ZFP91: variants seen among roughly 807,000 people sequenced by gnomAD.
The protein encoded by ZFP91 is E3 ubiquitin-protein ligase ZFP91.
In ZFP91, 7 loss-of-function variants were observed where a neutral mutation model predicts 63.5. The observed-to-expected ratio is 0.11, with a 90% CI of 0.06 to 0.21. ZFP91 has a LOEUF of 0.21. Ranked by LOEUF, ZFP91 falls within the 10% of genes least tolerant of loss-of-function variation. ZFP91 has a pLI of 1.00. For missense variants in ZFP91, 628 were observed against 736.6 expected (o/e 0.85, Z 1.71); for synonymous variants, 330 against 272.1 (o/e 1.21, Z -2.10).
chr11:58,604,330 A>C (rs1195004270), intron 2 of ZFP91, among the ~76,000 whole-genome samples: 1 of 152,192 alleles, frequency 6.6e-6, no homozygotes. Flanking sequence ...ATGGAGATAG[A>C]ATTGAAGTTA....
chr11:58,587,368 T>A (rs953184869), intron 2 of ZFP91, among the ~76,000 whole-genome samples: 8 of 152,164 alleles, frequency 5.3e-5, no homozygotes, highest in African/African-American at 1.9e-4. Context: ...TTTGATGAAG[T>A]TGGAGCTGAG....
intron 6 of ZFP91, 108 bp downstream of exon 6, chr11:58,611,846 T>C: frequency 2.9e-6 from 4 of 1,356,384 alleles, no homozygotes; most frequent in Non-Finnish European, 3.9e-6. Flanking sequence ...CTTCAAAATA[T>C]GTATTTTTTA....
chr11:58,604,800 A>G (rs1037696688), intron 2 of ZFP91, among the ~76,000 whole-genome samples: 1 of 152,182 alleles, frequency 6.6e-6, no homozygotes, highest in Non-Finnish European at 1.5e-5. Context: ...AAGACATGTC[A>G]TCTCCTTCCA....
At chr11:58,586,036 C>G (rs1482793488) in intron 2 of ZFP91, among the ~76,000 whole-genome samples, 4 of 149,952 alleles carry the variant, frequency 2.7e-5, no homozygotes, top group Non-Finnish European at 4.4e-5. Context: ...ATTATTTTGT[C>G]TAGCAAGTTT....
At chr11:58,600,774 A>T (rs1473461272) in intron 2 of ZFP91, among the ~76,000 whole-genome samples, 2 of 152,104 alleles carry the variant, frequency 1.3e-5, no homozygotes, top group East Asian at 3.9e-4. Context: ...ACTGCGTATG[A>T]TGTGAGCTCT....
At chr11:58,611,467 T>A in intron 5 of ZFP91, 137 bp from the exon 6 acceptor site, 1 of 1,140,998 alleles carries the variant, frequency 8.8e-7, no homozygotes, top group South Asian at 1.7e-5. Flanking sequence ...TGAGGATGAT[T>A]GGTAGGAAAT....
chr11:58,582,599 A>G (rs1440395972), intron 1 of ZFP91, among the ~76,000 whole-genome samples: 1 of 152,340 alleles, frequency 6.6e-6, no homozygotes, highest in East Asian at 1.9e-4. Context: ...ATTGGAAGGC[A>G]AAATAATAGA....
At chr11:58,616,903 A>C (rs1250212209) in intron 10 of ZFP91, 88 bp downstream of exon 10, 3 of 1,204,286 alleles carry the variant, frequency 2.5e-6, no homozygotes. Context: ...ATTAGTTGCC[A>C]CTGCTGTTTA....
chr11:58,608,258 C>T (rs1021578676), intron 2 of ZFP91, among the ~76,000 whole-genome samples: 1 of 151,674 alleles, frequency 6.6e-6, no homozygotes, highest in Non-Finnish European at 1.5e-5. Context: ...AAACCAATCC[C>T]TCTTTGAATG....
intron 10 of ZFP91, 98 bp downstream of exon 10, chr11:58,616,913 A>G: frequency 8.8e-7 from 1 of 1,142,400 alleles, no homozygotes; most frequent in Non-Finnish European, 1.3e-6. Context: ...ACTGCTGTTT[A>G]CTTTCATCAA....
chr11:58,587,584 A>G (rs1403056778), intron 2 of ZFP91, among the ~76,000 whole-genome samples: 1 of 152,184 alleles, frequency 6.6e-6, no homozygotes, highest in Non-Finnish European at 1.5e-5. Context: ...GAGTGTTAGT[A>G]GAAATCTTAA....
At chr11:58,591,248 C>T (rs2507758) in intron 2 of ZFP91, among the ~76,000 whole-genome samples, 1 of 151,916 alleles carries the variant, frequency 6.6e-6, no homozygotes, top group Non-Finnish European at 1.5e-5. Flanking sequence ...TTTTGTGTCT[C>T]GCTTATTTTG....
intron 5 of ZFP91, chr11:58,611,369 G>C (rs1457419958): frequency 9.3e-6 from 5 of 535,734 alleles, no homozygotes; most frequent in Non-Finnish European, 1.6e-5. Context: ...TACAATTATA[G>C]TGAAATTTGA....
At chr11:58,605,169 T>C (rs1855551248) in intron 2 of ZFP91, among the ~76,000 whole-genome samples, 2 of 152,246 alleles carry the variant, frequency 1.3e-5, no homozygotes. Flanking sequence ...CCAGTTTAGC[T>C]TCAGTAGTAA....
At position 58,619,771 on chromosome 11, in the gene ZFP91, C is replaced by A. The variant is rs900536559; in HGVS notation, c.*2065C>A. 11 of 152,580 alleles carry A rather than the reference C, an allele frequency of 7.2e-5. No homozygotes were observed. The highest frequency in any genetic ancestry group is 2.4e-4 in the African/African-American group (10 of 41,436). 9.5% of individuals were successfully genotyped at this position (152,580 alleles called of 1,614,324 possible). ...ATAGAAGGGATGTAGAATATGCTTT[C>A]CTGCCAACATGGTTTGGAGTCGACT... On this transcript the variant is annotated 3_prime_UTR_variant, in exon 11 of 11. Coordinates refer to ENST00000316059, the MANE Select transcript of ZFP91 (RefSeq NM_053023.5).
At chr11:58,585,519 T>TCTA (rs1855192477) in intron 2 of ZFP91, among the ~76,000 whole-genome samples, 1 of 152,218 alleles carries the variant, frequency 6.6e-6, no homozygotes, top group Non-Finnish European at 1.5e-5. Context: ...TGTTCCTTGA[T>TCTA]GTTAAATTCA....
rs186579854 is a variant in ZFP91 at position 58,612,890 on chromosome 11, G to T, written c.987+50G>T. ...CCTTTCAGGTTGTGTTCCATTACTT[G>T]TTCTTGCACCACGAGACTTTAATTT... On this transcript the variant is annotated intron_variant, in intron 8 of 10. Coordinates refer to ENST00000316059, the MANE Select transcript of ZFP91 (RefSeq NM_053023.5). 2.9e-5 allele frequency: 43 copies of T among 1,495,630 alleles called. No homozygotes were observed. The Admixed American group carries it at 7.4e-4, about 26-fold the overall frequency. The allele number at this position is 1,495,630 out of a possible 1,614,324, so 92.6% of individuals were successfully genotyped here.
chr11:58,583,411 A>T (rs764099006), intron 1 of ZFP91, among the ~76,000 whole-genome samples: 3 of 152,070 alleles, frequency 2.0e-5, no homozygotes, highest in African/African-American at 4.8e-5. Context: ...TTTCTTGCTA[A>T]AATTAAAACA....
At chr11:58,610,433 C>T in intron 4 of ZFP91, 99 bp downstream of exon 4, 1 of 1,211,216 alleles carries the variant, frequency 8.3e-7, no homozygotes, top group Non-Finnish European at 1.1e-6. Context: ...TTATTTTGAG[C>T]TGTAAGAGAA....
Sources: allele counts gnomAD v4.1 joint callset (sites outside exome capture counted in the v4.1 genomes callset), GRCh38; gene constraint gnomAD v4.1.1; transcripts MANE v1.5; gene names NCBI Gene and HGNC (gene_info 2026-07-23, HGNC 2026-07-21).